CNTN1: variants seen among roughly 807,000 people sequenced by gnomAD.
The protein encoded by CNTN1 is contactin 1, also known as contactin-1.
CNTN1 carries 38 observed loss-of-function variants against 126.4 expected under a neutral mutation model. That is an observed-to-expected ratio of 0.30 (90% CI 0.23 to 0.39). The LOEUF (loss-of-function observed/expected upper bound fraction) is 0.39. Among genes scored for constraint, CNTN1 ranks in the 10% least tolerant of loss-of-function variants. CNTN1 has a pLI of 1.00. For synonymous variants in CNTN1, 413 were observed against 422.6 expected, an observed-to-expected ratio of 0.98 and a Z score of 0.28; for missense variants, 1,009 against 1,248.4, an observed-to-expected ratio of 0.81 and a Z score of 2.89.
intron 1 of CNTN1, among the ~76,000 whole-genome samples, chr12:40,818,374 C>CTTT (rs1048532186): frequency 2.6e-5 from 4 of 151,986 alleles, no homozygotes; most frequent in African/African-American, 9.7e-5. Flanking sequence ...CCTTTTCATT[C>CTTT]TTTTTTTCTC....
At chr12:40,743,058 C>T (rs977591673) in intron 1 of CNTN1, among the ~76,000 whole-genome samples, 4 of 151,898 alleles carry the variant, frequency 2.6e-5, no homozygotes, top group East Asian at 1.9e-4. Flanking sequence ...AGGTTGAGGC[C>T]GGGGGAATGG....
intron 1 of CNTN1, among the ~76,000 whole-genome samples, chr12:40,756,607 G>C (rs1938618367): frequency 6.6e-6 from 1 of 152,134 alleles, no homozygotes; most frequent in Non-Finnish European, 1.5e-5. Context: ...TCAAAGCTGA[G>C]GGTTGTTAGG....
rs772846701 is a variant in CNTN1, at chr12:40,929,792, C to A, written c.497-4C>A. 7.5e-6 allele frequency: 12 copies of A among 1,608,038 alleles called. No individual in the cohort carries two copies. In the South Asian group the frequency reaches 1.1e-4, roughly 15 times the overall value. ...AATATTTAGAAGGCAATATTTTCTC[C>A]TAGATGATCTTAGCTATCGCTGGCT... On this transcript the variant is annotated splice_polypyrimidine_tract_variant and splice_region_variant and intron_variant, in intron 6 of 23. Transcript: ENST00000551295.
At chr12:40,788,636 C>T (rs1940115273) in intron 1 of CNTN1, among the ~76,000 whole-genome samples, 1 of 152,110 alleles carries the variant, frequency 6.6e-6, no homozygotes, top group African/African-American at 2.4e-5. Flanking sequence ...TTGCTAACAC[C>T]TCTGTGACCC....
intron 1 of CNTN1, among the ~76,000 whole-genome samples, chr12:40,785,409 C>T (rs1214046478): frequency 6.6e-6 from 1 of 152,138 alleles, no homozygotes; most frequent in Non-Finnish European, 1.5e-5. Context: ...GAGGTACTGT[C>T]TCACCTGTCT....
chr12:40,946,666 A>G (rs1946445091), intron 14 of CNTN1, among the ~76,000 whole-genome samples: 1 of 152,136 alleles, frequency 6.6e-6, no homozygotes, highest in Non-Finnish European at 1.5e-5. Context: ...GTTCTGACTA[A>G]TAATAAAAAG....
intron 14 of CNTN1, among the ~76,000 whole-genome samples, chr12:40,953,528 T>C (rs1166142023): frequency 6.6e-6 from 1 of 152,154 alleles, no homozygotes; most frequent in East Asian, 1.9e-4. Flanking sequence ...TCTTCTTTCC[T>C]TCTGAGAAGT....
At chr12:40,909,371 G>T (rs1415807193) in intron 2 of CNTN1, among the ~76,000 whole-genome samples, 1 of 151,534 alleles carries the variant, frequency 6.6e-6, no homozygotes. Flanking sequence ...ATTGAGCTAG[G>T]TCATTATTAT....
intron 15 of CNTN1, among the ~76,000 whole-genome samples, chr12:40,967,022 G>A (rs1345050): frequency 0.016 from 2,360 of 152,122 alleles, 51 homozygotes; most frequent in African/African-American, 0.054. Context: ...TGCACATTTA[G>A]TGTGTACCCA....
In CNTN1 at chr12:40,861,954, C is replaced by A. The variant is rs555797595; in HGVS notation, c.-76-46403C>A. Among the ~76,000 whole-genome samples, 6 of 151,486 alleles carry A rather than the reference C, an allele frequency of 4.0e-5. No individual in the cohort carries two copies. In the East Asian group the frequency reaches 1.2e-3, roughly 29 times the overall value. Reference sequence around the variant, plus strand: ...AGTGAATTTTCTTTTACAGCAATTACAAATTAGGAAAAAGTGGGAGGGTTG... The same window carrying A: ...AGTGAATTTTCTTTTACAGCAATTAAAAATTAGGAAAAAGTGGGAGGGTTG... On this transcript the variant is annotated intron_variant, in intron 1 of 23. Transcript: ENST00000551295.
Position 40,922,350 on chromosome 12 carries a change from G to A in CNTN1, c.322G>A (p.Asp108Asn). Residue 108 changes from aspartate to asparagine, a missense_variant, in exon 5 of 24, where the codon GAT (aspartate) becomes AAT (asparagine). By Grantham distance (23) the Asp-to-Asn change is conservative. Transcript: ENST00000551295. ...LVINNPDKQK[D>N]AGIYYCLASN... is the part of the protein sequence containing the mutation. The stretch of plus-strand genomic sequence containing the variant: ...TATCAACAACCCTGACAAACAGAAA[G>A]ATGCTGGAATATACTACTGTTTAGC... 6.2e-7 allele frequency: 1 copy of A among 1,614,010 alleles called. No homozygotes were observed. Among genetic ancestry groups the A allele is most frequent in the Non-Finnish European group, 8.5e-7 (1 of 1,179,936 alleles).
At chr12:41,033,637 T>C (rs1949193326) in intron 23 of CNTN1, among the ~76,000 whole-genome samples, 1 of 152,096 alleles carries the variant, frequency 6.6e-6, no homozygotes, top group African/African-American at 2.4e-5. Flanking sequence ...ATGATCAGAT[T>C]TTCTCACTTG....
intron 23 of CNTN1, among the ~76,000 whole-genome samples, chr12:41,061,257 C>T (rs1465428259): frequency 2.0e-5 from 3 of 152,120 alleles, no homozygotes; most frequent in Non-Finnish European, 4.4e-5. Flanking sequence ...CTAGAAGTTG[C>T]TTTTATATTT....
chr12:40,834,541 G>A (rs1157011951), intron 1 of CNTN1, among the ~76,000 whole-genome samples: 2 of 152,276 alleles, frequency 1.3e-5, no homozygotes, highest in South Asian at 2.1e-4. Flanking sequence ...ACAGATGGAA[G>A]ATGATATATC....
chr12:40,986,630 C>T (rs1566093353), intron 16 of CNTN1, among the ~76,000 whole-genome samples: 1 of 152,140 alleles, frequency 6.6e-6, no homozygotes, highest in Non-Finnish European at 1.5e-5. Flanking sequence ...GGGCTTTTTA[C>T]TCAGTTCTCC....
At chr12:40,865,996 A>G (rs1035728352) in intron 1 of CNTN1, among the ~76,000 whole-genome samples, 6 of 152,038 alleles carry the variant, frequency 3.9e-5, no homozygotes, top group Non-Finnish European at 8.8e-5. Flanking sequence ...TTTCTTAAAC[A>G]ATGTTTTGTA....
intron 16 of CNTN1, among the ~76,000 whole-genome samples, chr12:40,986,687 G>A (rs1947961603): frequency 6.6e-6 from 1 of 152,064 alleles, no homozygotes; most frequent in African/African-American, 2.4e-5. Flanking sequence ...TGTCCCTCAA[G>A]GGGAAGCAGA....
At chr12:40,946,393 G>A (rs1462137604) in intron 14 of CNTN1, among the ~76,000 whole-genome samples, 3 of 152,022 alleles carry the variant, frequency 2.0e-5, no homozygotes, top group African/African-American at 7.2e-5. Context: ...GGTATTTTAT[G>A]TAGTTCTCCC....
At chr12:40,760,933 G>T (rs1373347848) in intron 1 of CNTN1, among the ~76,000 whole-genome samples, 1 of 151,720 alleles carries the variant, frequency 6.6e-6, no homozygotes, top group African/African-American at 2.4e-5. Context: ...AATTTTATAT[G>T]ATATGCTCCA....
Sources: gnomAD v4.1 joint callset for allele counts (sites outside exome capture counted in the v4.1 genomes callset) on GRCh38, gnomAD v4.1.1 for gene constraint, MANE v1.5 for transcripts, NCBI Gene and HGNC (gene_info 2026-07-23, HGNC 2026-07-21) for gene names.